Variants in EIF3H observed in about 807,000 individuals in gnomAD.
EIF3H encodes eukaryotic translation initiation factor 3 subunit H.
A neutral mutation model predicts 44.2 loss-of-function variants in EIF3H; 26 were observed. The observed-to-expected ratio is 0.59, with a 90% CI of 0.43 to 0.82. EIF3H has a LOEUF of 0.82. Among genes scored for constraint, EIF3H ranks in the 40% least tolerant of loss-of-function variants. EIF3H has a pLI of 0.00. For missense variants in EIF3H, 359 were observed against 432.8 expected (o/e 0.83, Z 1.51); for synonymous variants, 166 against 151.9 (o/e 1.09, Z -0.68).
intron 2 of EIF3H, among the ~76,000 whole-genome samples, chr8:116,682,505 T>C (rs1169519174): frequency 6.6e-6 from 1 of 152,176 alleles, no homozygotes; most frequent in African/African-American, 2.4e-5. Context: ...CCTTAAGATA[T>C]TCCTGTCTCC....
chr8:116,740,242 G>T (rs1052377528), intron 1 of EIF3H, among the ~76,000 whole-genome samples: 3 of 152,168 alleles, frequency 2.0e-5, no homozygotes, highest in African/African-American at 7.2e-5. Context: ...CTTAATTTAT[G>T]TCACGAAGTC....
intron 1 of EIF3H, among the ~76,000 whole-genome samples, chr8:116,743,782 AT>A (rs1815172519): frequency 7.7e-5 from 7 of 90,784 alleles, no homozygotes; most frequent in Admixed American, 6.3e-4. Flanking sequence ...ATATATATAT[AT>A]ATATATATAT....
At chr8:116,729,500 A>G (rs1180408037) in intron 1 of EIF3H, among the ~76,000 whole-genome samples, 1 of 152,246 alleles carries the variant, frequency 6.6e-6, no homozygotes, top group African/African-American at 2.4e-5. Flanking sequence ...CAAACAGCCA[A>G]TGCAATTTTA....
upstream of EIF3H, among the ~76,000 whole-genome samples, chr8:116,759,954 C>G (rs1586500933): frequency 6.6e-6 from 1 of 152,306 alleles, no homozygotes; most frequent in South Asian, 2.1e-4. Context: ...TGGCCTCGAA[C>G]TCCTGGGCTC....
chr8:116,701,369 T>TA (rs1814373246), intron 2 of EIF3H, among the ~76,000 whole-genome samples: 1 of 152,204 alleles, frequency 6.6e-6, no homozygotes, highest in Non-Finnish European at 1.5e-5. Flanking sequence ...AGTGTGATAG[T>TA]CCCCATAATA....
intron 1 of EIF3H, among the ~76,000 whole-genome samples, chr8:116,754,902 A>T (rs1415629991): frequency 6.6e-6 from 1 of 152,248 alleles, no homozygotes; most frequent in Non-Finnish European, 1.5e-5. Context: ...AATAGGAAAT[A>T]ACCTTTAAAA....
chr8:116,657,118 C>A (rs1224203691), intron 4 of EIF3H, 97 bp downstream of exon 4: 3 of 1,048,134 alleles, frequency 2.9e-6, no homozygotes, highest in Non-Finnish European at 4.5e-6. Flanking sequence ...ATGGCAAAAG[C>A]ATTACCACAC....
At chr8:116,669,444 A>G (rs963762183) in intron 2 of EIF3H, among the ~76,000 whole-genome samples, 5 of 152,198 alleles carry the variant, frequency 3.3e-5, no homozygotes, top group African/African-American at 1.2e-4. Flanking sequence ...AGCAGTGGGG[A>G]TGGGAAAGAG....
chr8:116,751,870 G>A (rs959940979), intron 1 of EIF3H, among the ~76,000 whole-genome samples: 3 of 152,092 alleles, frequency 2.0e-5, no homozygotes, highest in Non-Finnish European at 4.4e-5. Context: ...GGAAAATGAG[G>A]CACAAAGACT....
At chr8:116,737,363 AAAATT>A (rs1815059620) in intron 1 of EIF3H, 6 of 426,306 alleles carry the variant, frequency 1.4e-5, no homozygotes, top group South Asian at 1.0e-4. Context: ...TAAAGTTTTA[AAAATT>A]AATAGGGCTG....
At chr8:116,746,817 A>G (rs956599210) in intron 1 of EIF3H, among the ~76,000 whole-genome samples, 1 of 152,238 alleles carries the variant, frequency 6.6e-6, no homozygotes, top group Non-Finnish European at 1.5e-5. Context: ...ATCCTCACTC[A>G]CAAATACTCA....
intron 2 of EIF3H, among the ~76,000 whole-genome samples, chr8:116,721,416 C>T (rs550850737): frequency 6.6e-6 from 1 of 152,376 alleles, no homozygotes; most frequent in South Asian, 2.1e-4. Context: ...AGAACCTCTG[C>T]TAGGGCAGTG....
intron 1 of EIF3H, among the ~76,000 whole-genome samples, chr8:116,735,682 T>C (rs1186130027): frequency 1.8e-4 from 28 of 151,934 alleles, no homozygotes; most frequent in Admixed American, 1.8e-3. Context: ...TAATGAGTAA[T>C]GCAAATAGGT....
At chr8:116,673,010 A>G (rs2130821025) in intron 2 of EIF3H, among the ~76,000 whole-genome samples, 1 of 145,320 alleles carries the variant, frequency 6.9e-6, no homozygotes, top group Non-Finnish European at 1.5e-5. Flanking sequence ...TAAAATTACA[A>G]AAAAAAAAAA....
At chr8:116,681,712 C>T (rs964041736) in intron 2 of EIF3H, among the ~76,000 whole-genome samples, 9 of 149,240 alleles carry the variant, frequency 6.0e-5, no homozygotes, top group Admixed American at 1.3e-4. Flanking sequence ...ATGTTTTAAA[C>T]GTTTAGAAAG....
chr8:116,693,608 C>G (rs889340681), intron 2 of EIF3H, among the ~76,000 whole-genome samples: 19 of 152,168 alleles, frequency 1.2e-4, no homozygotes, highest in African/African-American at 4.1e-4. Context: ...AAATTCAGTA[C>G]AGACTGAAAA....
intron 2 of EIF3H, among the ~76,000 whole-genome samples, chr8:116,706,665 G>A (rs1049157641): frequency 2.0e-5 from 3 of 152,254 alleles, no homozygotes; most frequent in East Asian, 3.9e-4. Context: ...CTCACGAGTA[G>A]CTGAGACTAC....
chr8:116,673,165 A>T (rs1487142535), intron 2 of EIF3H, among the ~76,000 whole-genome samples: 2 of 152,140 alleles, frequency 1.3e-5, no homozygotes, highest in Admixed American at 1.3e-4. Context: ...AATTTTTACT[A>T]AATTAGAAGC....
chr8:116,755,944 A>T, upstream of EIF3H: 1 of 1,537,266 alleles, frequency 6.5e-7, no homozygotes, highest in Non-Finnish European at 8.7e-7. Context: ...CCTGTTTTCC[A>T]GTTTTACCTT....
Sources: allele counts gnomAD v4.1 joint callset (sites outside exome capture counted in the v4.1 genomes callset), GRCh38; gene constraint gnomAD v4.1.1; transcripts MANE v1.5; gene names NCBI Gene and HGNC (gene_info 2026-07-23, HGNC 2026-07-21).